The following SHCBP1L variants were observed in gnomAD, a reference collection of about 807,000 sequenced individuals.
The protein encoded by SHCBP1L is SHC binding and spindle associated 1 like.
SHCBP1L carries 67 observed loss-of-function variants against 62.5 expected under a neutral mutation model. The ratio of observed to expected loss-of-function variants is 1.07; its 90% CI spans 0.88 to 1.31. The LOEUF (loss-of-function observed/expected upper bound fraction) is 1.31, where lower values mean the gene tolerates loss of function less well. Among genes scored for constraint, SHCBP1L ranks in the 40% most tolerant of loss-of-function variants. The pLI is 0.00. For missense variants in SHCBP1L, 823 were observed against 809.8 expected, an observed-to-expected ratio of 1.02 and a Z score of -0.20; for synonymous variants, 284 against 289.4, an observed-to-expected ratio of 0.98 and a Z score of 0.19.
intron 2 of SHCBP1L, among the ~76,000 whole-genome samples, chr1:182,943,391 G>T (rs997961964): frequency 1.3e-5 from 2 of 150,626 alleles, no homozygotes; most frequent in African/African-American, 2.4e-5. Flanking sequence ...CAAAGCGCTG[G>T]GATTACAGGA....
Position 182,940,504 on chromosome 1 carries a change from T to C in SHCBP1L, c.595A>G (p.Lys199Glu), listed in dbSNP as rs1339433332. The C allele has an allele frequency of 6.2e-7, 1 of 1,613,954 alleles. No individual in the cohort carries two copies. Among genetic ancestry groups the C allele is most frequent in the Non-Finnish European group, 8.5e-7 (1 of 1,179,936 alleles). ...EPYQDSSSRFKVTVSVAEPFS... is the reference protein window; with the variant it reads ...EPYQDSSSRFEVTVSVAEPFS... ...GGCTCAGCAACAGAAACAGTAACTT[T>C]GAAACGAGATGATGAGTCTTGGTAT... The change falls in exon 3 of 10, where the codon AAA (lysine) becomes GAA (glutamate). Residue 199 changes from lysine to glutamate, a missense_variant. Coordinates refer to ENST00000367547, the MANE Select transcript of SHCBP1L (RefSeq NM_030933.4).
At chr1:182,936,831 T>C (rs1403052792) in intron 5 of SHCBP1L, among the ~76,000 whole-genome samples, 1 of 151,996 alleles carries the variant, frequency 6.6e-6, no homozygotes, top group Non-Finnish European at 1.5e-5. Flanking sequence ...GGAGGATCAC[T>C]TGAGCCCAGG....
rs578181845 is a variant in SHCBP1L at position 182,913,802 on chromosome 1, G to A, written c.1183-8153C>T. 5.4e-4 allele frequency among the ~76,000 whole-genome samples: 82 copies of A among 152,264 alleles called. 1 individual carries two copies. The highest frequency in any genetic ancestry group is 5.2e-3 in the South Asian group (25 of 4,828). ...TCCAGACCAGCTTGGCCAACATGGCGAAACCCCATCTCTACTAAAAATACA... is the reference window on the plus strand; with the variant it reads ...TCCAGACCAGCTTGGCCAACATGGCAAAACCCCATCTCTACTAAAAATACA... On this transcript the variant is annotated intron_variant, in intron 6 of 9. Transcript: ENST00000367547.
At chr1:182,924,710 A>AAGAAAGAG (rs1650632415) in intron 6 of SHCBP1L, among the ~76,000 whole-genome samples, 1 of 37,324 alleles carries the variant, frequency 2.7e-5, no homozygotes, top group African/African-American at 2.4e-4. Context: ...GGAAGAAAGA[A>AAGAAAGAG]AGAAAGAAAG....
intron 6 of SHCBP1L, among the ~76,000 whole-genome samples, chr1:182,927,148 T>C (rs1462654880): frequency 3.5e-5 from 5 of 143,582 alleles, no homozygotes; most frequent in Non-Finnish European, 7.6e-5. Context: ...ATTCTGCAAG[T>C]AAGGAAATTG....
chr1:182,903,277 G>A (rs1470277646), intron 8 of SHCBP1L, 116 bp from the exon 9 acceptor site: 1 of 787,562 alleles, frequency 1.3e-6, no homozygotes, highest in Admixed American at 3.1e-5. Context: ...TGAGTTACGT[G>A]CAAATACGTG....
At chr1:182,920,964 T>C (rs1396304017) in intron 6 of SHCBP1L, among the ~76,000 whole-genome samples, 2 of 152,106 alleles carry the variant, frequency 1.3e-5, no homozygotes, top group Admixed American at 6.5e-5. Flanking sequence ...CAGGATACTG[T>C]ACACTAAAAA....
At chr1:182,939,115 C>T in intron 5 of SHCBP1L, 61 bp downstream of exon 5, 6 of 1,301,692 alleles carry the variant, frequency 4.6e-6, no homozygotes, top group Non-Finnish European at 6.4e-6. Flanking sequence ...AAATTAAGTG[C>T]TATGATAAAA....
chr1:182,945,242 G>T (rs1651522293), intron 2 of SHCBP1L, among the ~76,000 whole-genome samples: 1 of 152,090 alleles, frequency 6.6e-6, no homozygotes, highest in South Asian at 2.1e-4. Flanking sequence ...GGTATTACAG[G>T]CGTGAGCCAC....
intron 2 of SHCBP1L, among the ~76,000 whole-genome samples, chr1:182,947,236 C>CAAAAA: frequency 1.6e-5 from 1 of 62,222 alleles, no homozygotes. Flanking sequence ...GACTCTGTCT[C>CAAAAA]AAAAAAAAAA....
intron 6 of SHCBP1L, among the ~76,000 whole-genome samples, chr1:182,917,799 C>G (rs997314178): frequency 3.9e-5 from 6 of 152,048 alleles, no homozygotes; most frequent in Non-Finnish European, 8.8e-5. Flanking sequence ...TCTTTAAACA[C>G]TTGCTCTCCA....
rs549871703 is a variant in SHCBP1L, at chr1:182,953,102, G to C, written c.32C>G (p.Ala11Gly). 8 of 1,572,790 alleles carry C rather than the reference G, an allele frequency of 5.1e-6. No individual in the cohort carries two copies. The African/African-American group carries it at 8.1e-5, about 16-fold the overall frequency. MASGSKASVP[A>G]DSFRTISPDR... is the part of the protein sequence containing the mutation. The stretch of plus-strand genomic sequence containing the variant: ...CGGGCTGATGGTGCGGAATGAGTCC[G>C]CGGGCACCGAGGCCTTGGAGCCCGA... Residue 11 changes from alanine to glycine, a missense_variant, in exon 1 of 10, where the codon GCG becomes GGG. Coordinates refer to ENST00000367547, the MANE Select transcript of SHCBP1L (RefSeq NM_030933.4).
chr1:182,931,144 C>T (rs947287575), intron 5 of SHCBP1L, among the ~76,000 whole-genome samples: 20 of 152,030 alleles, frequency 1.3e-4, no homozygotes, highest in African/African-American at 4.6e-4. Context: ...TAGCAGTATC[C>T]TCCAAAAGTT....
chr1:182,930,547 GTGTGTATA>G lies in SHCBP1L; in HGVS notation c.1077-803_1077-796del, dbSNP rs1364532151. Among the ~76,000 whole-genome samples the G allele has an allele frequency of 8.6e-3, 799 of 92,798 alleles. 30 individuals carry two copies. The highest frequency in any genetic ancestry group is 0.026 in the African/African-American group (646 of 25,106). The allele number at this position is 92,798 out of a possible 152,430, so 60.9% of individuals were successfully genotyped here. ...TGCTAAGAGGATGTGGCTTTAGTGTGTGTGTATATATATATATATATATATATATATAT... is the reference window on the plus strand; with the variant it reads ...TGCTAAGAGGATGTGGCTTTAGTGTGTATATATATATATATATATATATAT... On this transcript the variant is annotated intron_variant, in intron 5 of 9. Transcript: ENST00000367547.
In SHCBP1L at chr1:182,952,821, G is replaced by A. The variant is rs1450106707; in HGVS notation, c.313C>T (p.Pro105Ser). 6.2e-7 allele frequency: 1 copy of A among 1,612,460 alleles called. No individual in the cohort carries two copies. Among genetic ancestry groups the A allele is most frequent in the South Asian group, 1.1e-5 (1 of 90,930 alleles). ...PVPEDEEEAQ[P>S]LPPVCVSRMR... ...CGGGACACGCAGACTGGGGGCAGGG[G>A]CTGCGCCTCCTCTTCATCCTCAGGC... The change falls in exon 1 of 10, where the codon CCC becomes TCC. Residue 105 changes from proline to serine, a missense_variant. By Grantham distance (74) the Pro-to-Ser change is moderately conservative (BLOSUM62 -1). Transcript: ENST00000367547.
intron 5 of SHCBP1L, among the ~76,000 whole-genome samples, chr1:182,934,764 T>C (rs1651113543): frequency 1.3e-5 from 2 of 152,280 alleles, no homozygotes; most frequent in South Asian, 4.1e-4. Context: ...AAACACAAGA[T>C]TATCTATAAT....
chr1:182,924,592 C>T (rs899842559), intron 6 of SHCBP1L, among the ~76,000 whole-genome samples: 17 of 150,348 alleles, frequency 1.1e-4, no homozygotes, highest in Admixed American at 3.3e-4. Context: ...CACCGCGCCC[C>T]GCCAAAAGAA....
intron 6 of SHCBP1L, among the ~76,000 whole-genome samples, chr1:182,918,237 C>CAT (rs1396138748): frequency 2.7e-5 from 4 of 146,172 alleles, no homozygotes; most frequent in African/African-American, 1.0e-4. Context: ...TATATATATA[C>CAT]ATATATATAC....
chr1:182,947,193 C>T (rs1471412756), intron 2 of SHCBP1L, among the ~76,000 whole-genome samples: 4 of 148,492 alleles, frequency 2.7e-5, no homozygotes, highest in South Asian at 2.2e-4. Context: ...GCCGAGATCG[C>T]GCCATGGTAC....
Sources: allele counts gnomAD v4.1 joint callset (sites outside exome capture counted in the v4.1 genomes callset), GRCh38; gene constraint gnomAD v4.1.1; transcripts MANE v1.5; gene names NCBI Gene and HGNC (gene_info 2026-07-23, HGNC 2026-07-21).